Variants in MACC1 observed in about 807,000 individuals in gnomAD.
The protein encoded by MACC1 is MET transcriptional regulator MACC1, also known as metastasis-associated in colon cancer protein 1.
MACC1 carries 79 observed loss-of-function variants against 70.7 expected under a neutral mutation model. The observed-to-expected ratio is 1.12, with a 90% CI of 0.93 to 1.35. The LOEUF is 1.35. Ranked by LOEUF, MACC1 falls within the 40% of genes most tolerant of loss-of-function variation. The probability of loss-of-function intolerance (pLI) is 0.00; values close to 1 mark genes in which losing one functional copy is unlikely to be tolerated. For missense variants in MACC1, 1,106 were observed against 978.1 expected (o/e 1.13, Z -1.74); for synonymous variants, 361 against 347.2 (o/e 1.04, Z -0.44).
At chr7:20,200,258 TTTAAAAG>T (rs1223259483) in intron 1 of MACC1, among the ~76,000 whole-genome samples, 13 of 43,354 alleles carry the variant, frequency 3.0e-4, no homozygotes, top group Non-Finnish European at 4.5e-4. Flanking sequence ...GATTAGTAGA[TTTAAAAG>T]ATTTAAAAGA....
At chr7:20,148,743 T>G (rs1374882385) in intron 6 of MACC1, among the ~76,000 whole-genome samples, 1 of 152,188 alleles carries the variant, frequency 6.6e-6, no homozygotes, top group African/African-American at 2.4e-5. Context: ...AGTATAGAAT[T>G]GTACAAAGTA....
chr7:20,162,210 T>C (rs763395273), intron 3 of MACC1, among the ~76,000 whole-genome samples: 1 of 152,114 alleles, frequency 6.6e-6, no homozygotes, highest in Non-Finnish European at 1.5e-5. Context: ...TGTTTGGCGA[T>C]TGGAGGACTA....
At chr7:20,175,732 CCTT>C in intron 1 of MACC1, among the ~76,000 whole-genome samples, 1 of 152,232 alleles carries the variant, frequency 6.6e-6, no homozygotes, top group African/African-American at 2.4e-5. Flanking sequence ...TTCTATTTCT[CCTT>C]CTTATCCTTT....
chr7:20,166,494 T>A (rs540458336), intron 2 of MACC1, among the ~76,000 whole-genome samples: 2 of 152,172 alleles, frequency 1.3e-5, no homozygotes, highest in Non-Finnish European at 2.9e-5. Context: ...ACTCTCTGAT[T>A]GGTAATTTTT....
chr7:20,164,555 A>C (rs867498968), intron 2 of MACC1, among the ~76,000 whole-genome samples, 156 bp from the exon 3 acceptor site: 3 of 152,196 alleles, frequency 2.0e-5, no homozygotes, highest in African/African-American at 7.2e-5. Flanking sequence ...AAAAAAATCC[A>C]ATGTTGCAAT....
intron 1 of MACC1, among the ~76,000 whole-genome samples, chr7:20,185,644 G>T (rs1042227439): frequency 1.3e-5 from 2 of 152,092 alleles, no homozygotes; most frequent in African/African-American, 4.8e-5. Flanking sequence ...TAAGATATGA[G>T]AAAATAAAGA....
At chr7:20,145,684 C>T (rs2128100474) in intron 6 of MACC1, among the ~76,000 whole-genome samples, 1 of 152,138 alleles carries the variant, frequency 6.6e-6, no homozygotes, top group East Asian at 1.9e-4. Flanking sequence ...GGTTAACTTC[C>T]TTTGGCAGAA....
At chr7:20,176,446 A>G (rs552568135) in intron 1 of MACC1, among the ~76,000 whole-genome samples, 72 of 152,280 alleles carry the variant, frequency 4.7e-4, no homozygotes, top group African/African-American at 1.7e-3. Context: ...AGCCTGTATT[A>G]CTAATCATCA....
At chr7:20,204,507 C>T (rs1029472965) in intron 1 of MACC1, among the ~76,000 whole-genome samples, 2 of 152,178 alleles carry the variant, frequency 1.3e-5, no homozygotes, top group Non-Finnish European at 2.9e-5. Flanking sequence ...ATATCTCAAA[C>T]ATTTTTTTTC....
At chr7:20,148,491 A>G (rs916276178) in intron 6 of MACC1, among the ~76,000 whole-genome samples, 2 of 152,202 alleles carry the variant, frequency 1.3e-5, no homozygotes. Context: ...CTAAAGCTTG[A>G]AAAAGAAAAC....
At chr7:20,153,055 T>G (rs1782004033) in intron 6 of MACC1, among the ~76,000 whole-genome samples, 1 of 152,228 alleles carries the variant, frequency 6.6e-6, no homozygotes, top group Admixed American at 6.5e-5. Flanking sequence ...TTATAGGCTG[T>G]AATGCCCTTC....
Position 20,171,311 on chromosome 7 carries a change from G to A in MACC1, c.-217-533C>T, listed in dbSNP as rs186903062. On this transcript the variant is annotated intron_variant, in intron 1 of 6. Transcript: ENST00000400331. ...CTGTCGCCCAGGCTGGAGTGCAGTGGCGCTATCTTGGCTCACTGCAAGCTC... is the reference window on the plus strand; with the variant it reads ...CTGTCGCCCAGGCTGGAGTGCAGTGACGCTATCTTGGCTCACTGCAAGCTC... Among the ~76,000 whole-genome samples, 1,096 of 151,662 alleles carry A rather than the reference G, an allele frequency of 7.2e-3. 27 individuals are homozygous for A. The highest frequency in any genetic ancestry group is 0.038 in the Admixed American group (578 of 15,252).
At chr7:20,173,846 T>C (rs1238800559) in intron 1 of MACC1, among the ~76,000 whole-genome samples, 2 of 152,194 alleles carry the variant, frequency 1.3e-5, no homozygotes. Flanking sequence ...ATGGGGAAAC[T>C]AGCTCTGAAA....
At chr7:20,166,257 G>C (rs1782216920) in intron 2 of MACC1, among the ~76,000 whole-genome samples, 1 of 152,154 alleles carries the variant, frequency 6.6e-6, no homozygotes, top group African/African-American at 2.4e-5. Context: ...TAGGTGACAG[G>C]AGAGCAACTG....
intron 3 of MACC1, 43 bp from the exon 4 acceptor site, chr7:20,161,913 A>G (rs1212723200): frequency 1.7e-6 from 2 of 1,157,598 alleles, no homozygotes; most frequent in Non-Finnish European, 2.6e-6. Context: ...GCATACATAT[A>G]CAGGCTGGCA....
At position 20,138,769 on chromosome 7, in the gene MACC1, T is replaced by C. The variant is rs1583374485; in HGVS notation, c.*2177A>G. The C allele has an allele frequency of 6.6e-6, 1 of 151,604 alleles. No individual in the cohort carries two copies. Among genetic ancestry groups the C allele is most frequent in the Non-Finnish European group, 1.5e-5 (1 of 67,918 alleles). The allele number at this position is 151,604 out of a possible 1,614,324, so 9.4% of individuals were successfully genotyped here. ...CTCACTGCAAGCTCCGCCTCCCGGGTTCACGCCATTCTCCTGCCTCAGCCT... is the reference window on the plus strand; with the variant it reads ...CTCACTGCAAGCTCCGCCTCCCGGGCTCACGCCATTCTCCTGCCTCAGCCT... On this transcript the variant is annotated 3_prime_UTR_variant, in exon 7 of 7. Transcript: ENST00000400331.
intron 6 of MACC1, among the ~76,000 whole-genome samples, chr7:20,151,631 T>G (rs1781979949): frequency 2.0e-5 from 3 of 152,194 alleles, no homozygotes; most frequent in Admixed American, 2.0e-4. Flanking sequence ...AAAGAGAGGC[T>G]TTTTCTTCAC....
intron 1 of MACC1, among the ~76,000 whole-genome samples, chr7:20,212,428 G>A (rs1783012420): frequency 6.6e-6 from 1 of 152,154 alleles, no homozygotes; most frequent in African/African-American, 2.4e-5. Flanking sequence ...GGTGGCCACA[G>A]TAACCAAGAG....
chr7:20,158,273 A>G lies in MACC1; in HGVS notation c.2088T>C (p.Val696=), dbSNP rs750367581. Residue 696 remains valine, a synonymous_variant, in exon 5 of 7, where the codon GTT becomes GTC. Transcript: ENST00000400331. ...GGCAATCTTCCTTTAACTTCTTTAT[A>G]ACATAAGAAACTTTCTCTGATTCTT... The part of the protein sequence containing the change: ...ADKESEKVSY[V]IKKLKEDCHT... 6.2e-7 allele frequency: 1 copy of G among 1,610,624 alleles called. No homozygotes were observed. The highest frequency in any genetic ancestry group is 1.1e-5 in the South Asian group (1 of 90,178).
Sources: allele counts gnomAD v4.1 joint callset (sites outside exome capture counted in the v4.1 genomes callset), GRCh38; gene constraint gnomAD v4.1.1; transcripts MANE v1.5; gene names NCBI Gene and HGNC (gene_info 2026-07-23, HGNC 2026-07-21).